The following DSCAM variants were observed in gnomAD, a reference collection of about 807,000 sequenced individuals.
DSCAM encodes DS cell adhesion molecule.
In DSCAM, 47 loss-of-function variants were observed where a neutral mutation model predicts 217.7. That is an observed-to-expected ratio of 0.22 (90% CI 0.17 to 0.28). The LOEUF (loss-of-function observed/expected upper bound fraction) is 0.28. Ranked by LOEUF, DSCAM falls within the 10% of genes least tolerant of loss-of-function variation. The pLI is 1.00. For missense variants in DSCAM, 2,080 were observed against 2,618.3 expected (o/e 0.79, Z 4.49); for synonymous variants, 1,056 against 1,015.3 (o/e 1.04, Z -0.76).
At chr21:40,211,491 C>T (rs904980488) in intron 11 of DSCAM, among the ~76,000 whole-genome samples, 1 of 152,238 alleles carries the variant, frequency 6.6e-6, no homozygotes, top group Non-Finnish European at 1.5e-5. Flanking sequence ...CACCATATTA[C>T]ATACCCACCA....
chr21:40,080,355 A>G lies in DSCAM; in HGVS notation c.4232-15T>C, dbSNP rs1172239515. On this transcript the variant is annotated splice_polypyrimidine_tract_variant and intron_variant, in intron 24 of 32. Coordinates refer to ENST00000400454, the MANE Select transcript of DSCAM (RefSeq NM_001389.5). ...CAGTATGTATCCTGCAGAGAATGAG[A>G]AAGATTCACATGAGCACTGTGTTTG... is the stretch of plus-strand genomic sequence containing the variant. 6.4e-7 allele frequency: 1 copy of G among 1,565,188 alleles called. No individual in the cohort carries two copies. Among genetic ancestry groups the G allele is most frequent in the Non-Finnish European group, 8.7e-7 (1 of 1,150,210 alleles).
intron 1 of DSCAM, among the ~76,000 whole-genome samples, chr21:40,764,034 G>A (rs903549487): frequency 8.6e-5 from 13 of 152,046 alleles, no homozygotes; most frequent in Admixed American, 5.9e-4. Flanking sequence ...CATTGGCATG[G>A]GCAAAGACTT....
intron 1 of DSCAM, among the ~76,000 whole-genome samples, chr21:40,821,137 C>CATATATATAGATTTATATATCTTCACAT (rs6147513): frequency 7.2e-6 from 1 of 138,266 alleles, no homozygotes; most frequent in African/African-American, 2.7e-5. Context: ...TATATCTTCA[C>CATATATATAGATTTATATATCTTCACAT]ATATATATAT....
chr21:40,498,092 C>G (rs1455055811), intron 3 of DSCAM, among the ~76,000 whole-genome samples: 1 of 152,150 alleles, frequency 6.6e-6, no homozygotes, highest in African/African-American at 2.4e-5. Context: ...TTCTGTGTCT[C>G]GGTTTTCCTC....
At chr21:40,557,564 T>C (rs1177327235) in intron 3 of DSCAM, among the ~76,000 whole-genome samples, 1 of 152,106 alleles carries the variant, frequency 6.6e-6, no homozygotes, top group Non-Finnish European at 1.5e-5. Flanking sequence ...CTCGATCTCC[T>C]GACCTCGTGA....
intron 1 of DSCAM, among the ~76,000 whole-genome samples, chr21:40,710,553 G>A (rs960790775): frequency 6.6e-6 from 1 of 152,062 alleles, no homozygotes; most frequent in African/African-American, 2.4e-5. Flanking sequence ...ATATTCTTAT[G>A]AACTGTTTTT....
intron 3 of DSCAM, among the ~76,000 whole-genome samples, chr21:40,492,610 G>A (rs894406519): frequency 2.0e-5 from 3 of 151,620 alleles, no homozygotes; most frequent in African/African-American, 7.3e-5. Flanking sequence ...TGCAATAAAG[G>A]TCATCAACAG....
chr21:40,528,663 C>CA (rs1405536290), intron 3 of DSCAM, among the ~76,000 whole-genome samples: 4 of 152,072 alleles, frequency 2.6e-5, no homozygotes, highest in African/African-American at 9.7e-5. Flanking sequence ...CTTAAGGTCA[C>CA]AAGCCTTGAG....
chr21:40,308,555 C>T (rs2074104792), intron 9 of DSCAM, among the ~76,000 whole-genome samples: 1 of 152,180 alleles, frequency 6.6e-6, no homozygotes. Flanking sequence ...GTAGCTTGTC[C>T]TTCAATACCC....
intron 3 of DSCAM, among the ~76,000 whole-genome samples, chr21:40,470,441 G>A (rs548901092): frequency 3.3e-5 from 5 of 152,332 alleles, no homozygotes; most frequent in Non-Finnish European, 5.9e-5. Context: ...TTGCTTCTGC[G>A]AGGCTGTCCA....
chr21:40,013,699 T>C (rs1354182224), intron 32 of DSCAM, among the ~76,000 whole-genome samples: 1 of 152,082 alleles, frequency 6.6e-6, no homozygotes, highest in Non-Finnish European at 1.5e-5. Flanking sequence ...AAAACATACA[T>C]CAAAGGCATC....
intron 1 of DSCAM, among the ~76,000 whole-genome samples, chr21:40,731,739 C>CG (rs1164467789): frequency 0.016 from 2,041 of 124,448 alleles, 50 homozygotes; most frequent in Non-Finnish European, 0.027. Context: ...CCCCCCCCCC[C>CG]GCCCCCCGGG....
At chr21:40,564,695 C>T (rs554353142) in intron 3 of DSCAM, among the ~76,000 whole-genome samples, 9 of 152,314 alleles carry the variant, frequency 5.9e-5, no homozygotes, top group African/African-American at 1.2e-4. Context: ...GCACGTGAAA[C>T]GGGAACCTGC....
chr21:40,780,063 G>A (rs1038694284), intron 1 of DSCAM, among the ~76,000 whole-genome samples: 2 of 152,186 alleles, frequency 1.3e-5, no homozygotes, highest in African/African-American at 4.8e-5. Context: ...CTTTCTACAT[G>A]CATCTTCTCA....
intron 3 of DSCAM, among the ~76,000 whole-genome samples, chr21:40,682,237 G>A (rs1286318752): frequency 2.0e-5 from 3 of 152,238 alleles, no homozygotes; most frequent in South Asian, 4.2e-4. Flanking sequence ...AGGCAGGTCC[G>A]AAGTTGGGGT....
At chr21:40,754,065 C>T (rs2091252844) in intron 1 of DSCAM, among the ~76,000 whole-genome samples, 1 of 152,200 alleles carries the variant, frequency 6.6e-6, no homozygotes, top group African/African-American at 2.4e-5. Flanking sequence ...CAAGAAACAG[C>T]CGTGAGGTCT....
In DSCAM at chr21:40,330,322, TTTA is replaced by T. The variant is rs564637731; in HGVS notation, c.1783+7776_1783+7778del. Among the ~76,000 whole-genome samples the T allele has an allele frequency of 1.5e-4, 22 of 145,552 alleles. No homozygotes were observed. In the South Asian group the frequency reaches 1.5e-3, roughly 10 times the overall value. Reference sequence around the variant, plus strand: ...ATATTTATATATAATAAATTATATATTTATTATATTATATGCATATATTTATAT... The same window carrying T: ...ATATTTATATATAATAAATTATATATTTATATTATATGCATATATTTATAT... On this transcript the variant is annotated intron_variant, in intron 8 of 32. Transcript: ENST00000400454.
intron 3 of DSCAM, among the ~76,000 whole-genome samples, chr21:40,559,442 G>C (rs1468308835): frequency 7.1e-6 from 1 of 140,612 alleles, no homozygotes; most frequent in Non-Finnish European, 1.5e-5. Context: ...CGGGCGAAAA[G>C]AGCGAGACCC....
chr21:40,637,423 AAAT>A (rs1568954496), intron 3 of DSCAM, among the ~76,000 whole-genome samples: 148 of 2,608 alleles, frequency 0.057, 52 homozygotes, highest in African/African-American at 0.24. Context: ...ATATATATAT[AAAT>A]ATATAAATAT....
Sources: allele counts gnomAD v4.1 joint callset (sites outside exome capture counted in the v4.1 genomes callset), GRCh38; gene constraint gnomAD v4.1.1; transcripts MANE v1.5; gene names NCBI Gene and HGNC (gene_info 2026-07-23, HGNC 2026-07-21).